KIF26B: variants seen among roughly 807,000 people sequenced by gnomAD.
KIF26B encodes the protein kinesin family member 26B, also known as kinesin-like protein KIF26B.
A neutral mutation model predicts 151.2 loss-of-function variants in KIF26B; 63 were observed. The observed-to-expected ratio is 0.42, with a 90% CI of 0.34 to 0.51. The LOEUF is 0.51. KIF26B is among the 20% of genes least tolerant of loss of function. KIF26B has a pLI of 0.07. For missense variants in KIF26B, 2,813 were observed against 2,913.6 expected (o/e 0.97, Z 0.79); for synonymous variants, 1,357 against 1,262.1 (o/e 1.08, Z -1.59).
At chr1:245,413,517 G>T (rs1674337060) in intron 3 of KIF26B, among the ~76,000 whole-genome samples, 1 of 152,056 alleles carries the variant, frequency 6.6e-6, no homozygotes, top group Non-Finnish European at 1.5e-5. Flanking sequence ...AGAAAAATTA[G>T]CTGGGCATGG....
intron 9 of KIF26B, among the ~76,000 whole-genome samples, chr1:245,618,451 T>C (rs2043617818): frequency 6.6e-6 from 1 of 151,750 alleles, no homozygotes; most frequent in Non-Finnish European, 1.5e-5. Flanking sequence ...TATAGGTTCC[T>C]TGAGACAGAG....
At chr1:245,192,667 C>T (rs988943108) in intron 2 of KIF26B, among the ~76,000 whole-genome samples, 1 of 152,160 alleles carries the variant, frequency 6.6e-6, no homozygotes, top group Admixed American at 6.5e-5. Context: ...GCCTCCAGAG[C>T]CCACAGTAAC....
intron 4 of KIF26B, among the ~76,000 whole-genome samples, chr1:245,437,386 G>T (rs1658962313): frequency 6.6e-6 from 1 of 152,132 alleles, no homozygotes; most frequent in Non-Finnish European, 1.5e-5. Flanking sequence ...TGTTACTTAG[G>T]ATCCTGAGCA....
At chr1:245,511,843 A>C (rs1298846508) in intron 4 of KIF26B, among the ~76,000 whole-genome samples, 1 of 152,196 alleles carries the variant, frequency 6.6e-6, no homozygotes, top group Non-Finnish European at 1.5e-5. Context: ...GGGAGGAAAA[A>C]CAAGTCACTT....
intron 2 of KIF26B, among the ~76,000 whole-genome samples, chr1:245,246,108 A>G (rs1409837698): frequency 1.3e-5 from 1 of 78,884 alleles, no homozygotes; most frequent in Non-Finnish European, 2.6e-5. Context: ...GAAAAAAAAA[A>G]AAAAAAAGAA....
intron 3 of KIF26B, among the ~76,000 whole-genome samples, chr1:245,369,824 G>A (rs1250833051): frequency 6.6e-6 from 1 of 152,190 alleles, no homozygotes; most frequent in Non-Finnish European, 1.5e-5. Context: ...CGTTTTACCT[G>A]CAGGGGCCTC....
At chr1:245,523,108 A>G (rs1287966851) in intron 4 of KIF26B, among the ~76,000 whole-genome samples, 1 of 152,176 alleles carries the variant, frequency 6.6e-6, no homozygotes, top group Non-Finnish European at 1.5e-5. Flanking sequence ...AAGTTAAGGA[A>G]CTTGACCATG....
intron 5 of KIF26B, among the ~76,000 whole-genome samples, chr1:245,581,290 C>A (rs1277757326): frequency 1.3e-5 from 2 of 152,210 alleles, no homozygotes; most frequent in African/African-American, 4.8e-5. Flanking sequence ...TCTCTATGCC[C>A]AGTTTTTTCC....
At chr1:245,525,355 T>A (rs991109622) in intron 4 of KIF26B, among the ~76,000 whole-genome samples, 2 of 152,216 alleles carry the variant, frequency 1.3e-5, no homozygotes, top group Admixed American at 1.3e-4. Context: ...TCTGTGTGTT[T>A]TTAAATACAG....
At chr1:245,662,553 T>A (rs1446555811) in intron 10 of KIF26B, among the ~76,000 whole-genome samples, 1 of 76,610 alleles carries the variant, frequency 1.3e-5, no homozygotes, top group Non-Finnish European at 2.9e-5. Flanking sequence ...CACCCAATGA[T>A]ATATATATAC....
rs1671854829 is a variant in KIF26B, at chr1:245,319,968, T to C, written c.466-46866T>C. On this transcript the variant is annotated intron_variant, in intron 2 of 14. Transcript: ENST00000407071. ...CTCAGTGTCATCATTTTGTCTACCA[T>C]TACCCTTTCCTTTAGAAAATCTGTT... Among the ~76,000 whole-genome samples the C allele has an allele frequency of 3.9e-5, 6 of 152,338 alleles. No homozygotes were observed. The South Asian group carries it at 1.2e-3, about 32-fold the overall frequency.
intron 10 of KIF26B, among the ~76,000 whole-genome samples, chr1:245,657,365 C>T (rs1019613793): frequency 1.3e-5 from 2 of 152,328 alleles, no homozygotes; most frequent in South Asian, 4.1e-4. Flanking sequence ...TGCATACACA[C>T]AGTGAACAAA....
Position 245,692,190 on chromosome 1 carries a change from C to G in KIF26B, c.5824+3383C>G, listed in dbSNP as rs78672468. ...ACATTGACCAGGTATCTTCTGTGCTCTTAGAGCTTGGTGATAGTTTCTGGT... is the reference window on the plus strand; with the variant it reads ...ACATTGACCAGGTATCTTCTGTGCTGTTAGAGCTTGGTGATAGTTTCTGGT... On this transcript the variant is annotated intron_variant, in intron 12 of 14. Transcript: ENST00000407071. Among the ~76,000 whole-genome samples the G allele has an allele frequency of 1.5e-3, 224 of 152,236 alleles. 1 individual carries two copies. The East Asian group carries it at 0.035, about 23-fold the overall frequency.
At chr1:245,257,661 G>A (rs972268840) in intron 2 of KIF26B, among the ~76,000 whole-genome samples, 3 of 152,146 alleles carry the variant, frequency 2.0e-5, no homozygotes, top group Admixed American at 1.3e-4. Flanking sequence ...AAGCCCTCCC[G>A]TGTCTAGAAG....
At chr1:245,471,916 C>T (rs892130276) in intron 4 of KIF26B, among the ~76,000 whole-genome samples, 5 of 152,016 alleles carry the variant, frequency 3.3e-5, no homozygotes, top group South Asian at 2.1e-4. Context: ...CTCAGCCTCC[C>T]GAGTAGCTGA....
chr1:245,341,639 A>G (rs1345751335), intron 2 of KIF26B, among the ~76,000 whole-genome samples: 1 of 152,188 alleles, frequency 6.6e-6, no homozygotes, highest in East Asian at 1.9e-4. Context: ...GTCTTCAGAG[A>G]AGGTGAACTC....
At position 245,244,392 on chromosome 1, in the gene KIF26B, A is replaced by C. The variant is rs1282868862; in HGVS notation, c.465+87709A>C. Among the ~76,000 whole-genome samples the C allele has an allele frequency of 6.6e-6, 1 of 152,138 alleles. No individual in the cohort carries two copies. Among genetic ancestry groups the C allele is most frequent in the African/African-American group, 2.4e-5 (1 of 41,430 alleles). ...ATGGAATGACGTCTTGCATATTGTC[A>C]TGATATGTAGTGGGTGGGTAAAATC... On this transcript the variant is annotated intron_variant, in intron 2 of 14. Transcript: ENST00000407071. The surrounding 1 kb of genome is among the most constrained non-coding windows in gnomAD (Gnocchi z 4.2).
At chr1:245,197,112 T>C (rs1321170216) in intron 2 of KIF26B, among the ~76,000 whole-genome samples, 1 of 152,180 alleles carries the variant, frequency 6.6e-6, no homozygotes, top group African/African-American at 2.4e-5. Flanking sequence ...CGACCAATTA[T>C]TTGCCCACAG....
chr1:245,198,378 G>C (rs574596405), intron 2 of KIF26B, among the ~76,000 whole-genome samples: 1 of 152,272 alleles, frequency 6.6e-6, no homozygotes, highest in South Asian at 2.1e-4. Flanking sequence ...ATTTAATATA[G>C]GGATTAAAAT....
Sources: allele counts gnomAD v4.1 joint callset (sites outside exome capture counted in the v4.1 genomes callset), GRCh38; gene constraint gnomAD v4.1.1; non-coding constraint Gnocchi (gnomAD v3.1); transcripts MANE v1.5; gene names NCBI Gene and HGNC (gene_info 2026-07-23, HGNC 2026-07-21).